The following CFAP263 variants were observed in gnomAD, a reference collection of about 807,000 sequenced individuals.
CFAP263 encodes cilia and flagella associated protein 263, also known as cilia- and flagella-associated protein 263.
the CFAP263 span, chr16:58,254,216 T>C: frequency 1.3e-6 from 2 of 1,562,074 alleles, no homozygotes; most frequent in Non-Finnish European, 1.8e-6. Flanking sequence ...TCTACCCCAC[T>C]GAGAGGTATC....
chr16:58,267,457 T>C, the CFAP263 span: 1 of 1,249,774 alleles, frequency 8.0e-7, no homozygotes. Context: ...AGCTCAAGAC[T>C]TGCTGTGTTG....
chr16:58,250,032 C>T, the CFAP263 span: 1 of 1,593,904 alleles, frequency 6.3e-7, no homozygotes, highest in Non-Finnish European at 8.5e-7. Flanking sequence ...ATGATGAGTC[C>T]GAGAGCGTCC....
the CFAP263 span, among the ~76,000 whole-genome samples, chr16:58,268,478 G>A: frequency 6.6e-6 from 1 of 152,192 alleles, no homozygotes; most frequent in Non-Finnish European, 1.5e-5. Flanking sequence ...TACTGCCCTT[G>A]TTGTAGTGGC....
At chr16:58,273,525 G>A in the CFAP263 span, among the ~76,000 whole-genome samples, 2 of 151,982 alleles carry the variant, frequency 1.3e-5, no homozygotes, top group East Asian at 3.8e-4. Context: ...GATTTTCTAT[G>A]TTTTAAAAAA....
At chr16:58,257,727 A>G in the CFAP263 span, among the ~76,000 whole-genome samples, 133 of 151,468 alleles carry the variant, frequency 8.8e-4, no homozygotes, top group Middle Eastern at 0.01. Flanking sequence ...CCATCTCTCT[A>G]GATGTAACTG....
At chr16:58,268,670 G>GA in the CFAP263 span, among the ~76,000 whole-genome samples, 1 of 152,108 alleles carries the variant, frequency 6.6e-6, no homozygotes, top group African/African-American at 2.4e-5. Flanking sequence ...AATACCTTCT[G>GA]AAAAAAACCC....
chr16:58,259,303 C>T, the CFAP263 span, among the ~76,000 whole-genome samples: 1 of 152,098 alleles, frequency 6.6e-6, no homozygotes, highest in Non-Finnish European at 1.5e-5. Context: ...TCTTGGGCTC[C>T]AACAGTCCAC....
At chr16:58,250,389 C>G in the CFAP263 span, 37 of 375,684 alleles carry the variant, frequency 9.8e-5, no homozygotes, top group South Asian at 1.4e-3. Context: ...CTCTCTCATG[C>G]CAGACGGTGT....
chr16:58,265,076 C>G, the CFAP263 span, among the ~76,000 whole-genome samples: 1 of 152,220 alleles, frequency 6.6e-6, no homozygotes, highest in East Asian at 1.9e-4. Flanking sequence ...CATGTGACTA[C>G]AGCTGCGATG....
chr16:58,268,481 G>T, the CFAP263 span, among the ~76,000 whole-genome samples: 49 of 152,304 alleles, frequency 3.2e-4, no homozygotes, highest in Admixed American at 6.5e-4. Context: ...TGCCCTTGTT[G>T]TAGTGGCTAG....
chr16:58,269,853 A>G, the CFAP263 span, among the ~76,000 whole-genome samples: 1 of 152,296 alleles, frequency 6.6e-6, no homozygotes, highest in South Asian at 2.1e-4. Flanking sequence ...TCTCTTGGAC[A>G]TACACCTAAA....
chr16:58,279,677 T>C, the CFAP263 span: 5 of 1,523,634 alleles, frequency 3.3e-6, no homozygotes, highest in Admixed American at 1.0e-4. Flanking sequence ...TTTTTTTCTT[T>C]TTTTTTTTTG....
chr16:58,260,557 G>A, the CFAP263 span, among the ~76,000 whole-genome samples: 2 of 152,152 alleles, frequency 1.3e-5, no homozygotes, highest in Non-Finnish European at 2.9e-5. Flanking sequence ...GCCCTTTCTG[G>A]GAATATGGCC....
chr16:58,279,914 TG>T, the CFAP263 span: 7 of 704,174 alleles, frequency 9.9e-6, no homozygotes, highest in Non-Finnish European at 1.4e-5. Flanking sequence ...TATCATCTCC[TG>T]GGCCACATCT....
At chr16:58,267,333 T>C in the CFAP263 span, 2 of 632,580 alleles carry the variant, frequency 3.2e-6, no homozygotes, top group Non-Finnish European at 5.7e-6. Context: ...ACATCAGGAT[T>C]TGGAAAATCT....
chr16:58,253,083 TGAAA>T, the CFAP263 span, among the ~76,000 whole-genome samples: 1 of 152,334 alleles, frequency 6.6e-6, no homozygotes, highest in Non-Finnish European at 1.5e-5. Context: ...TTAGTTTACT[TGAAA>T]GAATTCCCTT....
the CFAP263 span, among the ~76,000 whole-genome samples, chr16:58,253,632 C>G: frequency 6.6e-6 from 1 of 152,208 alleles, no homozygotes; most frequent in African/African-American, 2.4e-5. Context: ...CACAGTCCCC[C>G]ACGGATGCAG....
the CFAP263 span, chr16:58,280,966 G>A: frequency 5.4e-6 from 3 of 556,310 alleles, no homozygotes; most frequent in East Asian, 8.6e-5. Context: ...CAAATTAGCT[G>A]TGGACTTCTG....
chr16:58,259,566 C>T, the CFAP263 span, among the ~76,000 whole-genome samples: 3 of 152,138 alleles, frequency 2.0e-5, no homozygotes, highest in Non-Finnish European at 4.4e-5. Flanking sequence ...ACCAAAAAAT[C>T]GTAAGATCAT....
Sources: allele counts gnomAD v4.1 joint callset (sites outside exome capture counted in the v4.1 genomes callset), GRCh38; gene constraint gnomAD v4.1.1; transcripts MANE v1.5; gene names NCBI Gene and HGNC (gene_info 2026-07-23, HGNC 2026-07-21).